SRSF6: variants seen among roughly 807,000 people sequenced by gnomAD.
SRSF6 encodes the protein serine and arginine rich splicing factor 6, also known as serine/arginine-rich splicing factor 6.
SRSF6 carries 17 observed loss-of-function variants against 42.0 expected under a neutral mutation model. The ratio of observed to expected loss-of-function variants is 0.40; its 90% CI spans 0.28 to 0.61. SRSF6 has a LOEUF of 0.61. Among genes scored for constraint, SRSF6 ranks in the 20% least tolerant of loss-of-function variants. The pLI is 0.37. For synonymous variants in SRSF6, 204 were observed against 166.7 expected (o/e 1.22, Z -1.72); for missense variants, 379 against 471.4 (o/e 0.80, Z 1.81).
Position 43,461,312 on chromosome 20 carries a change from G to A in SRSF6, c.*249G>A. 9.2e-6 allele frequency: 1 copy of A among 108,984 alleles called. No individual in the cohort carries two copies. Among genetic ancestry groups the A allele is most frequent in the Non-Finnish European group, 1.7e-5 (1 of 60,404 alleles). 6.8% of individuals were successfully genotyped at this position (108,984 alleles called of 1,614,324 possible). A position where few individuals can be genotyped will look rare whatever the true frequency, so the allele number is the denominator to read the frequency against. On this transcript the variant is annotated 3_prime_UTR_variant, in exon 6 of 6. Coordinates refer to ENST00000244020, the MANE Select transcript of SRSF6 (RefSeq NM_006275.6). ...TAGCTTTTGAGCTAACGTAACTTTT[G>A]TAAAGATTAAGCTCATTTAGTGTTG...
chr20:43,459,961 C>A (rs746637474), intron 3 of SRSF6, 66 bp downstream of exon 3: 1 of 1,603,278 alleles, frequency 6.2e-7, no homozygotes, highest in Non-Finnish European at 8.5e-7. Flanking sequence ...CTTTTATATT[C>A]TTATTTCTGG....
chr20:43,458,282 G>A (rs1432501305), intron 1 of SRSF6, 79 bp from the exon 2 acceptor site: 2 of 1,403,910 alleles, frequency 1.4e-6, no homozygotes, highest in Non-Finnish European at 1.9e-6. Flanking sequence ...GGGGGCGCGC[G>A]GTGGGGTACG....
rs1056685862 is a variant in SRSF6, at chr20:43,462,018, C to A, written c.*955C>A. Reference sequence around the variant, plus strand: ...ATTGAGTTTATTCAAAGTGTAAAAGCACATACTGCATTTTCTGCTGAAAGA... The same window carrying A: ...ATTGAGTTTATTCAAAGTGTAAAAGAACATACTGCATTTTCTGCTGAAAGA... On this transcript the variant is annotated 3_prime_UTR_variant, in exon 6 of 6. Transcript: ENST00000244020. 3.3e-5 allele frequency: 5 copies of A among 152,156 alleles called. No homozygotes were observed. The highest frequency in any genetic ancestry group is 1.2e-4 in the African/African-American group (5 of 41,430). The allele number at this position is 152,156 out of a possible 1,614,324, so 9.4% of individuals were successfully genotyped here.
rs980227282 is a variant in SRSF6, at chr20:43,463,596, C to T, written c.*2533C>T. 6.5e-6 allele frequency: 1 copy of T among 152,684 alleles called. No individual in the cohort carries two copies. Among genetic ancestry groups the T allele is most frequent in the Admixed American group, 6.5e-5 (1 of 15,278 alleles). The allele number at this position is 152,684 out of a possible 1,614,324, so 9.5% of individuals were successfully genotyped here. A position where few individuals can be genotyped will look rare whatever the true frequency, so the allele number is the denominator to read the frequency against. ...GCTTTAAATCTCAATAAAATACTTA[C>T]TGAGGGAAAGGCTTGTTTTGAGTTT... On this transcript the variant is annotated 3_prime_UTR_variant, in exon 6 of 6. Transcript: ENST00000244020.
At position 43,460,716 on chromosome 20, in the gene SRSF6, A is replaced by C; in HGVS notation, c.688A>C (p.Ser230Arg). Residue 230 changes from serine (S) to arginine (R), a missense_variant, in exon 6 of 6, where the codon AGC becomes CGC. Physicochemically the swap from Ser to Arg is moderately radical, Grantham distance 110 (BLOSUM62 -1). Around this residue, in one of 3 missense-constraint regions of SRSF6, gnomAD observed 219 missense variants for 216.1 expected, o/e 1.01. Transcript: ENST00000244020. ...TTCCTTGTCCAGTTCCAGGTCGCGG[A>C]GCAAAGGTCGATCACGTTCTCGATC... ...SKSRSRSRSR[S>R]KGRSRSRSKG... 6.2e-7 allele frequency: 1 copy of C among 1,613,386 alleles called. No individual in the cohort carries two copies. Among genetic ancestry groups the C allele is most frequent in the Non-Finnish European group, 8.5e-7 (1 of 1,179,434 alleles).
chr20:43,460,633 A>G, intron 5 of SRSF6, 35 bp downstream of exon 5: 1 of 1,613,762 alleles, frequency 6.2e-7, no homozygotes, highest in Non-Finnish European at 8.5e-7. Flanking sequence ...TGTGAATATT[A>G]CCGTACTTGT....
rs2017598588 is a variant in SRSF6, at chr20:43,461,477, G to A, written c.*414G>A. The A allele has an allele frequency of 6.4e-6, 1 of 155,278 alleles. No individual in the cohort carries two copies. Among genetic ancestry groups the A allele is most frequent in the Non-Finnish European group, 1.4e-5 (1 of 70,598 alleles). 9.6% of individuals were successfully genotyped at this position (155,278 alleles called of 1,614,324 possible). A position where few individuals can be genotyped will look rare whatever the true frequency, so the allele number is the denominator to read the frequency against. On this transcript the variant is annotated 3_prime_UTR_variant, in exon 6 of 6. Coordinates refer to ENST00000244020, the MANE Select transcript of SRSF6 (RefSeq NM_006275.6). ...TTGAATACTTAAGGCTTTAGAGGGA[G>A]AACCCAATTTTCAATTATGTTGGCT...
rs933481181 is a variant in SRSF6, at chr20:43,461,969, G to A, written c.*906G>A. On this transcript the variant is annotated 3_prime_UTR_variant, in exon 6 of 6. Transcript: ENST00000244020. Reference sequence around the variant, plus strand: ...CTTTAATGTTTGTCATGTGGAAATGGAAGTAGCCTCTTTTTGTTCTGAAAT... The same window carrying A: ...CTTTAATGTTTGTCATGTGGAAATGAAAGTAGCCTCTTTTTGTTCTGAAAT... 1 of 152,160 alleles carries A rather than the reference G, an allele frequency of 6.6e-6. No individual in the cohort carries two copies. Among genetic ancestry groups the A allele is most frequent in the African/African-American group, 2.4e-5 (1 of 41,436 alleles). 9.4% of individuals were successfully genotyped at this position (152,160 alleles called of 1,614,324 possible). A position where few individuals can be genotyped will look rare whatever the true frequency, so the allele number is the denominator to read the frequency against.
rs1166574618 is a variant in SRSF6 at position 43,463,584 on chromosome 20, A to T, written c.*2521A>T. On this transcript the variant is annotated 3_prime_UTR_variant, in exon 6 of 6. Coordinates refer to ENST00000244020, the MANE Select transcript of SRSF6 (RefSeq NM_006275.6). ...CACCTATTTTGTGCTTTAAATCTCA[A>T]TAAAATACTTACTGAGGGAAAGGCT... The T allele has an allele frequency of 6.5e-6, 1 of 152,744 alleles. No individual in the cohort carries two copies. Among genetic ancestry groups the T allele is most frequent in the Non-Finnish European group, 1.5e-5 (1 of 68,116 alleles). 9.5% of individuals were successfully genotyped at this position (152,744 alleles called of 1,614,324 possible). A position where few individuals can be genotyped will look rare whatever the true frequency, so the allele number is the denominator to read the frequency against.
In SRSF6 at chr20:43,458,879, AG is replaced by A. The variant is rs1298441473; in HGVS notation, c.256+375del. 1.2e-3 allele frequency among the ~76,000 whole-genome samples: 6 copies of A among 5,162 alleles called. No homozygotes were observed. The East Asian group carries it at 0.014, about 12-fold the overall frequency. 3.4% of individuals were successfully genotyped at this position (5,162 alleles called of 152,430 possible). Reference sequence around the variant, plus strand: ...GGGCAGGCTCGGGTGGAGGTGGGGTAGGGGGCGCGGGGGACGGGGAAGGGGA... The same window carrying A: ...GGGCAGGCTCGGGTGGAGGTGGGGTAGGGGCGCGGGGGACGGGGAAGGGGA... On this transcript the variant is annotated intron_variant, in intron 2 of 5. Coordinates refer to ENST00000244020, the MANE Select transcript of SRSF6 (RefSeq NM_006275.6).
At chr20:43,458,235 T>C (rs1269050432) in intron 1 of SRSF6, 95 bp downstream of exon 1, 1 of 1,446,108 alleles carries the variant, frequency 6.9e-7, no homozygotes, top group African/African-American at 1.5e-5. Flanking sequence ...CGGCGCCGCG[T>C]GGCAGGGCCT....
intron 2 of SRSF6, chr20:43,459,351 A>G: frequency 7.4e-7 from 1 of 1,351,696 alleles, no homozygotes; most frequent in Non-Finnish European, 9.8e-7. Context: ...AAACTGGTTA[A>G]TCTGAACTAG....
chr20:43,460,404 A>G, intron 4 of SRSF6, 111 bp from the exon 5 acceptor site: 2 of 1,391,044 alleles, frequency 1.4e-6, no homozygotes, highest in Middle Eastern at 1.8e-4. Context: ...CAGTGTATTT[A>G]ATTTCGTAGT....
In SRSF6 at chr20:43,461,337, G is replaced by GTTTGTTTTTTTTTTTTTTTTTTTTTT. The variant is rs2017589449; in HGVS notation, c.*277_*278insGTTTTTTTTTTTTTTTTTTTTTTTTT. ...GTAAAGATTAAGCTCATTTAGTGTT[G>GTTTGTTTTTTTTTTTTTTTTTTTTTT]TTTTTTTTTTTTTTTTTTTTTTTTT... On this transcript the variant is annotated 3_prime_UTR_variant, in exon 6 of 6. Coordinates refer to ENST00000244020, the MANE Select transcript of SRSF6 (RefSeq NM_006275.6). 2 of 43,768 alleles carry GTTTGTTTTTTTTTTTTTTTTTTTTTT rather than the reference G, an allele frequency of 4.6e-5. 1 individual carries two copies. The highest frequency in any genetic ancestry group is 1.6e-4 in the African/African-American group (2 of 12,192). 2.7% of individuals were successfully genotyped at this position (43,768 alleles called of 1,614,324 possible). A position where few individuals can be genotyped will look rare whatever the true frequency, so the allele number is the denominator to read the frequency against.
In SRSF6 at chr20:43,460,475, T is replaced by A. The variant is rs778126949; in HGVS notation, c.591-40T>A. 24 of 1,598,976 alleles carry A rather than the reference T, an allele frequency of 1.5e-5. No individual in the cohort carries two copies. In the South Asian group the frequency reaches 2.7e-4, roughly 18 times the overall value. On this transcript the variant is annotated intron_variant, in intron 4 of 5. Coordinates refer to ENST00000244020, the MANE Select transcript of SRSF6 (RefSeq NM_006275.6). ...GCCAGATGGCACGGATGTATTTAAG[T>A]TGGATTGGGATTAAGACTTCATTGT... is the stretch of plus-strand genomic sequence containing the variant.
chr20:43,459,962 T>A (rs1464189398), intron 3 of SRSF6, 67 bp downstream of exon 3: 2 of 1,604,260 alleles, frequency 1.2e-6, no homozygotes, highest in South Asian at 2.2e-5. Context: ...TTTTATATTC[T>A]TATTTCTGGG....
At position 43,464,168 on chromosome 20, in the gene SRSF6, C is replaced by T. The variant is rs181482361; in HGVS notation, c.*3105C>T. The stretch of plus-strand genomic sequence containing the variant: ...GAACCAACAGTGTGAATAATCCTTT[C>T]AGTTGTCTATCAGCATGAATTTAAA... On this transcript the variant is annotated 3_prime_UTR_variant, in exon 6 of 6. Coordinates refer to ENST00000244020, the MANE Select transcript of SRSF6 (RefSeq NM_006275.6). 4.6e-5 allele frequency: 7 copies of T among 152,236 alleles called. No individual in the cohort carries two copies. The highest frequency in any genetic ancestry group is 1.0e-4 in the Non-Finnish European group (7 of 68,010). The allele number at this position is 152,236 out of a possible 1,614,324, so 9.4% of individuals were successfully genotyped here. A position where few individuals can be genotyped will look rare whatever the true frequency, so the allele number is the denominator to read the frequency against.
At position 43,461,056 on chromosome 20, in the gene SRSF6, G is replaced by A. The variant is rs748222519; in HGVS notation, c.1028G>A (p.Arg343Lys). 1.3e-5 allele frequency: 21 copies of A among 1,576,802 alleles called. No homozygotes were observed. The highest frequency in any genetic ancestry group is 1.7e-5 in the Non-Finnish European group (20 of 1,163,730). ...KSRSRSRSSS[R>K]D ...AGATCAAGGTCCAGGTCGAGTTCCA[G>A]AGATTAACTCAGAACTCCTTGTTTG... is the stretch of plus-strand genomic sequence containing the variant. Residue 343 changes from arginine (R) to lysine (K), a missense_variant, in exon 6 of 6, where the codon AGA (arginine) becomes AAA (lysine). Arg to Lys is a conservative substitution (Grantham distance 26, BLOSUM62 2). Around this residue, in one of 3 missense-constraint regions of SRSF6, gnomAD observed 219 missense variants for 216.1 expected, o/e 1.01. Coordinates refer to ENST00000244020, the MANE Select transcript of SRSF6 (RefSeq NM_006275.6).
Position 43,460,689 on chromosome 20 carries a change from C to T in SRSF6, c.675-14C>T, listed in dbSNP as rs1322053184. ...CTCACTAAGTATTGAGAAAATCGGT[C>T]TTTCCTTGTCCAGTTCCAGGTCGCG... On this transcript the variant is annotated splice_polypyrimidine_tract_variant and intron_variant, in intron 5 of 5. Coordinates refer to ENST00000244020, the MANE Select transcript of SRSF6 (RefSeq NM_006275.6). 1.2e-6 allele frequency: 2 copies of T among 1,612,220 alleles called. No individual in the cohort carries two copies. Among genetic ancestry groups the T allele is most frequent in the Middle Eastern group, 1.7e-4 (1 of 6,054 alleles).
Sources: allele counts gnomAD v4.1 joint callset (sites outside exome capture counted in the v4.1 genomes callset), GRCh38; gene constraint gnomAD v4.1.1; regional missense constraint gnomAD v4.1.1; transcripts MANE v1.5; gene names NCBI Gene and HGNC (gene_info 2026-07-23, HGNC 2026-07-21).